Variants in TAF12 observed in about 807,000 individuals in gnomAD.
The protein encoded by TAF12 is TATA-box binding protein associated factor 12.
TAF12 carries 3 observed loss-of-function variants against 20.8 expected under a neutral mutation model. That is an observed-to-expected ratio of 0.14 (90% CI 0.07 to 0.37). TAF12 has a LOEUF of 0.37. Ranked by LOEUF, TAF12 falls within the 10% of genes least tolerant of loss-of-function variation. The probability of loss-of-function intolerance (pLI) is 1.00; values close to 1 mark genes in which losing one functional copy is unlikely to be tolerated. For missense variants in TAF12, 131 were observed against 197.9 expected (o/e 0.66, Z 2.03); for synonymous variants, 69 against 70.2 (o/e 0.98, Z 0.09).
chr1:28,618,650 ACT>A (rs1038872121), intron 2 of TAF12, among the ~76,000 whole-genome samples: 3 of 143,502 alleles, frequency 2.1e-5, no homozygotes, highest in Non-Finnish European at 4.5e-5. Context: ...TGCTGTACAC[ACT>A]CTTCCTCTCT....
intron 1 of TAF12, among the ~76,000 whole-genome samples, chr1:28,633,898 G>A (rs1201901905): frequency 9.8e-5 from 13 of 132,158 alleles, no homozygotes; most frequent in Non-Finnish European, 1.9e-4. Flanking sequence ...GGCAATGAAA[G>A]CGAAACTCCA....
At chr1:28,613,189 C>G in intron 4 of TAF12, 58 bp downstream of exon 4, 1 of 1,452,858 alleles carries the variant, frequency 6.9e-7, no homozygotes, top group South Asian at 1.3e-5. Context: ...TACACTTTCC[C>G]TGGCAGTCCT....
chr1:28,623,902 C>T, intron 1 of TAF12: 1 of 943,004 alleles, frequency 1.1e-6, no homozygotes, highest in South Asian at 4.9e-5. Context: ...CGATCAGAAG[C>T]ACATTCACCA....
chr1:28,630,422 C>T (rs189303260), intron 1 of TAF12, among the ~76,000 whole-genome samples: 10 of 152,048 alleles, frequency 6.6e-5, no homozygotes, highest in Admixed American at 3.9e-4. Context: ...GGCGTGGTGG[C>T]GTGCGCCTGT....
chr1:28,607,825 G>A (rs1356807052), intron 4 of TAF12, among the ~76,000 whole-genome samples: 2 of 151,688 alleles, frequency 1.3e-5, no homozygotes, highest in African/African-American at 4.8e-5. Context: ...GGGTGAAGAG[G>A]AAGATCCTGC....
chr1:28,625,051 G>A (rs915336431), intron 1 of TAF12, among the ~76,000 whole-genome samples: 1 of 152,168 alleles, frequency 6.6e-6, no homozygotes, highest in Admixed American at 6.6e-5. Flanking sequence ...TTTTCCCAAA[G>A]CAAGTTCTAT....
At chr1:28,646,800 G>A (rs186440179), upstream of TAF12, among the ~76,000 whole-genome samples, 454 of 150,674 alleles carry the variant, frequency 3.0e-3, 1 homozygote, top group African/African-American at 0.01. Flanking sequence ...CTGGGTTCAC[G>A]CCATTCTCCT....
chr1:28,627,305 T>C (rs1234040419), intron 1 of TAF12, among the ~76,000 whole-genome samples: 1 of 149,826 alleles, frequency 6.7e-6, no homozygotes, highest in East Asian at 2.0e-4. Context: ...CAAGAATCAC[T>C]TGAACCTGGG....
chr1:28,619,538 T>C (rs1453331550), intron 2 of TAF12, among the ~76,000 whole-genome samples: 2 of 141,894 alleles, frequency 1.4e-5, no homozygotes, highest in African/African-American at 5.2e-5. Context: ...AAAAATAAAT[T>C]AAGAAAAAAG....
chr1:28,643,135 GGCCGGCGGGCGCGC>G (rs1023756515), upstream of TAF12: 6 of 985,250 alleles, frequency 6.1e-6, no homozygotes, highest in Non-Finnish European at 6.0e-6. Context: ...CGGCTCTTCC[GGCCGGCGGGCGCGC>G]GCCTCGCTTG....
At position 28,635,344 on chromosome 1, in the gene TAF12, C is replaced by T. The variant is rs1418867773; in HGVS notation, c.-85+7648G>A. Among the ~76,000 whole-genome samples the T allele has an allele frequency of 8.0e-5, 9 of 111,852 alleles. No homozygotes were observed. The South Asian group carries it at 1.0e-3, about 13-fold the overall frequency. 73.4% of individuals were successfully genotyped at this position (111,852 alleles called of 152,430 possible). ...TGTCGCCCAGGCTACAGTGCAGTGT[C>T]GCCCAGGCTACAGTGCAGTGGCGCA... On this transcript the variant is annotated intron_variant, in intron 1 of 5. Transcript: ENST00000373824.
chr1:28,619,647 G>GAAAAAA (rs56098932), intron 2 of TAF12, among the ~76,000 whole-genome samples: 3 of 59,440 alleles, frequency 5.0e-5, no homozygotes, highest in African/African-American at 2.0e-4. Flanking sequence ...AAATTCCACT[G>GAAAAAA]AAAAAAAAAA....
intron 3 of TAF12, 89 bp downstream of exon 3, chr1:28,617,864 G>C: frequency 8.0e-7 from 1 of 1,251,342 alleles, no homozygotes; most frequent in Non-Finnish European, 1.2e-6. Context: ...AAAGGCATGA[G>C]CCACTGCATC....
chr1:28,612,212 G>A (rs531575977), intron 4 of TAF12, among the ~76,000 whole-genome samples: 1 of 152,176 alleles, frequency 6.6e-6, no homozygotes, highest in East Asian at 1.9e-4. Flanking sequence ...CACTTTGGGA[G>A]GCCAAGGCAG....
intron 1 of TAF12, among the ~76,000 whole-genome samples, chr1:28,631,730 A>G (rs1667636809): frequency 6.6e-6 from 1 of 152,182 alleles, no homozygotes; most frequent in Admixed American, 6.6e-5. Context: ...ACAAATGGCA[A>G]ATAGGCACAT....
intron 1 of TAF12, among the ~76,000 whole-genome samples, chr1:28,627,386 T>A: frequency 2.0e-5 from 2 of 99,176 alleles, no homozygotes; most frequent in Non-Finnish European, 1.9e-5. Flanking sequence ...AGACTCCGTC[T>A]CAAAGAAAAA....
At chr1:28,634,535 C>A (rs1197168621) in intron 1 of TAF12, among the ~76,000 whole-genome samples, 1 of 151,824 alleles carries the variant, frequency 6.6e-6, no homozygotes, top group East Asian at 1.9e-4. Context: ...TGCTATGAGT[C>A]ACAAAGTAAA....
At chr1:28,633,370 G>C (rs1014308089) in intron 1 of TAF12, among the ~76,000 whole-genome samples, 1 of 141,590 alleles carries the variant, frequency 7.1e-6, no homozygotes, top group Non-Finnish European at 1.5e-5. Context: ...ATTTCGTCAT[G>C]TTGGCCAGGC....
chr1:28,609,712 C>T (rs926752559), intron 4 of TAF12, among the ~76,000 whole-genome samples: 4 of 151,944 alleles, frequency 2.6e-5, no homozygotes, highest in Non-Finnish European at 5.9e-5. Context: ...GTCTCGAACA[C>T]CTGACCTCAG....
Sources: allele counts gnomAD v4.1 joint callset (sites outside exome capture counted in the v4.1 genomes callset), GRCh38; gene constraint gnomAD v4.1.1; transcripts MANE v1.5; gene names NCBI Gene and HGNC (gene_info 2026-07-23, HGNC 2026-07-21).